The following THOC1 variants were observed in gnomAD, a reference collection of about 807,000 sequenced individuals.
THOC1 encodes THO complex subunit 1.
THOC1 carries 29 observed loss-of-function variants against 97.3 expected under a neutral mutation model. The observed-to-expected ratio is 0.30, with a 90% CI of 0.22 to 0.41. The LOEUF (loss-of-function observed/expected upper bound fraction) is 0.41. THOC1 is among the 10% of genes least tolerant of loss of function. The pLI is 1.00. For missense variants in THOC1, 529 were observed against 761.9 expected, an observed-to-expected ratio of 0.69 and a Z score of 3.60; for synonymous variants, 255 against 257.0, an observed-to-expected ratio of 0.99 and a Z score of 0.07.
At chr18:262,512 T>A (rs1336836079) in intron 4 of THOC1, among the ~76,000 whole-genome samples, 2 of 152,230 alleles carry the variant, frequency 1.3e-5, no homozygotes, top group African/African-American at 4.8e-5. Context: ...AAGTTCCAAG[T>A]ATAGACTAGA....
chr18:226,756 T>G (rs1911304236), intron 12 of THOC1, 45 bp downstream of exon 12: 1 of 1,446,826 alleles, frequency 6.9e-7, no homozygotes, highest in Non-Finnish European at 9.5e-7. Context: ...TCCTTTTTTT[T>G]CTTGGCTACT....
At chr18:234,164 C>A (rs188805786) in intron 11 of THOC1, among the ~76,000 whole-genome samples, 2 of 152,170 alleles carry the variant, frequency 1.3e-5, no homozygotes. Context: ...TTCATTAGTT[C>A]TAACAGTTTC....
intron 3 of THOC1, 22 bp from the exon 4 acceptor site, chr18:264,114 T>C (rs1912690928): frequency 1.9e-6 from 3 of 1,577,048 alleles, no homozygotes; most frequent in African/African-American, 1.3e-5. Flanking sequence ...GGAGAAACAA[T>C]TTAATTTAGG....
intron 11 of THOC1, 55 bp from the exon 12 acceptor site, chr18:226,956 T>C (rs1911312254): frequency 1.5e-6 from 2 of 1,348,996 alleles, no homozygotes; most frequent in Non-Finnish European, 2.1e-6. Flanking sequence ...ATCAAGTTTT[T>C]CCTAAAGGTA....
Position 216,577 on chromosome 18 carries a change from C to A in THOC1, c.1511G>T (p.Ser504Ile), listed in dbSNP as rs1289801390. The change falls in exon 19 of 21, where the codon AGC becomes ATC. Residue 504 changes from serine to isoleucine, a missense_variant. Ser to Ile is a moderately radical substitution (Grantham distance 142, BLOSUM62 -2). Around this residue, in one of 8 missense-constraint regions of THOC1, gnomAD observed 27 missense variants for 80.6 expected, o/e 0.33. Coordinates refer to ENST00000261600, the MANE Select transcript of THOC1 (RefSeq NM_005131.3). ...GTTGGTTGGCTGGAAGAAGTGAGGGCTTCTCCGTGCTAATAGTCTCAGGGC... is the reference window on the plus strand; with the variant it reads ...GTTGGTTGGCTGGAAGAAGTGAGGGATTCTCCGTGCTAATAGTCTCAGGGC... ...WRALRLLARR[S>I]PHFFQPTNQQ... 3 of 1,613,938 alleles carry A rather than the reference C, an allele frequency of 1.9e-6. No homozygotes were observed. The highest frequency in any genetic ancestry group is 1.7e-5 in the Admixed American group (1 of 60,018).
chr18:244,274 T>A lies in THOC1; in HGVS notation c.918+2050A>T, dbSNP rs1291413338. 3 of 152,194 alleles carry A rather than the reference T, an allele frequency of 2.0e-5. No homozygotes were observed. The East Asian group carries it at 5.8e-4, about 29-fold the overall frequency. The allele number at this position is 152,194 out of a possible 1,614,324, so 9.4% of individuals were successfully genotyped here. A position where few individuals can be genotyped will look rare whatever the true frequency, so the allele number is the denominator to read the frequency against. On this transcript the variant is annotated intron_variant, in intron 11 of 20. Transcript: ENST00000261600. ...TGTTTATAGTCAATAGTAAATTTAC[T>A]GTCATATTTTTCAATTTTTGTGCTC...
intron 12 of THOC1, chr18:226,453 G>C: frequency 5.4e-6 from 1 of 186,692 alleles, no homozygotes; most frequent in Non-Finnish European, 1.1e-5. Flanking sequence ...CACACCTTGT[G>C]AGATATGTAT....
At chr18:237,117 G>T (rs907587313) in intron 11 of THOC1, among the ~76,000 whole-genome samples, 2 of 150,514 alleles carry the variant, frequency 1.3e-5, no homozygotes, top group South Asian at 2.1e-4. Context: ...TGTGTGGCTT[G>T]AGAGATTTCT....
At chr18:249,838 T>C (rs956212902) in intron 9 of THOC1, among the ~76,000 whole-genome samples, 1 of 152,224 alleles carries the variant, frequency 6.6e-6, no homozygotes, top group African/African-American at 2.4e-5. Context: ...ACACACACAC[T>C]GAGTAACAAA....
chr18:253,540 C>CA (rs972568759), intron 8 of THOC1, among the ~76,000 whole-genome samples: 5 of 152,122 alleles, frequency 3.3e-5, no homozygotes, highest in African/African-American at 1.2e-4. Flanking sequence ...TACATATACA[C>CA]AAAAAGTCCT....
intron 10 of THOC1, among the ~76,000 whole-genome samples, chr18:247,545 G>C (rs770499212): frequency 6.6e-6 from 1 of 152,078 alleles, no homozygotes; most frequent in Non-Finnish European, 1.5e-5. Context: ...CAACAAGATA[G>C]CTAAAATAAT....
rs142940372 is a variant in THOC1 at position 216,332 on chromosome 18, A to G, written c.1602+154T>C. ...CAACTCATGTATTTCCTGTAAATGT[A>G]TATTCCAATGTGTTTTTCCCTCATT... On this transcript the variant is annotated intron_variant, in intron 19 of 20. Transcript: ENST00000261600. The G allele has an allele frequency of 1.0e-3, 800 of 778,536 alleles. 1 individual carries two copies. In the African/African-American group the frequency reaches 0.012, roughly 12 times the overall value. 48.2% of individuals were successfully genotyped at this position (778,536 alleles called of 1,614,324 possible). A position where few individuals can be genotyped will look rare whatever the true frequency, so the allele number is the denominator to read the frequency against.
intron 1 of THOC1, among the ~76,000 whole-genome samples, chr18:266,198 G>A (rs1393457500): frequency 6.6e-6 from 1 of 152,174 alleles, no homozygotes; most frequent in East Asian, 1.9e-4. Flanking sequence ...TTCATTCTAT[G>A]AACACTCACA....
intron 9 of THOC1, among the ~76,000 whole-genome samples, chr18:249,715 A>T (rs1912219043): frequency 1.3e-5 from 2 of 151,968 alleles, no homozygotes; most frequent in Admixed American, 1.3e-4. Context: ...ACGTTAAAGT[A>T]AATAGAGAAA....
intron 11 of THOC1, among the ~76,000 whole-genome samples, chr18:235,170 AGTT>A (rs1911635704): frequency 6.7e-6 from 1 of 148,222 alleles, no homozygotes; most frequent in South Asian, 2.1e-4. Flanking sequence ...ATTTATTCGT[AGTT>A]GTTCATAATA....
Position 251,862 on chromosome 18 carries a change from A to C in THOC1, c.677+677T>G, listed in dbSNP as rs533197672. On this transcript the variant is annotated intron_variant, in intron 9 of 20. Transcript: ENST00000261600. Reference sequence around the variant, plus strand: ...AATTGGAATAACTAGGCAAATAATTATCTTACTTGTTTTTATTAATCTTTC... The same window carrying C: ...AATTGGAATAACTAGGCAAATAATTCTCTTACTTGTTTTTATTAATCTTTC... Among the ~76,000 whole-genome samples, 3 of 152,324 alleles carry C rather than the reference A, an allele frequency of 2.0e-5. No individual in the cohort carries two copies. In the South Asian group the frequency reaches 6.2e-4, roughly 32 times the overall value.
Position 223,466 on chromosome 18 carries a change from A to G in THOC1, c.1344T>C (p.Asn448=). Residue 448 remains asparagine, a synonymous_variant, in exon 17 of 21, where the codon AAT becomes AAC. Transcript: ENST00000261600. ...TTGTCTCTGATTTACAGGCTTCCAT[A>G]TTATCAGGGCAAAGATTCCAAAGCC... is the stretch of plus-strand genomic sequence containing the variant. ...LTRLWNLCPD[N]MEACKSETRE... is the part of the protein sequence containing the mutation. 2 of 1,560,702 alleles carry G rather than the reference A, an allele frequency of 1.3e-6. No individual in the cohort carries two copies. Among genetic ancestry groups the G allele is most frequent in the Non-Finnish European group, 1.7e-6 (2 of 1,151,202 alleles).
chr18:223,465 T>C lies in THOC1; in HGVS notation c.1345A>G (p.Met449Val). The C allele has an allele frequency of 3.8e-6, 6 of 1,560,614 alleles. No individual in the cohort carries two copies. Among genetic ancestry groups the C allele is most frequent in the Non-Finnish European group, 5.2e-6 (6 of 1,151,104 alleles). ...TRLWNLCPDN[M>V]EACKSETREH... is the part of the protein sequence containing the mutation. ...CTTGTCTCTGATTTACAGGCTTCCA[T>C]ATTATCAGGGCAAAGATTCCAAAGC... The change falls in exon 17 of 21, where the codon ATG becomes GTG. Residue 449 changes from methionine (M) to valine (V), a missense_variant. By Grantham distance (21) the Met-to-Val change is conservative. Transcript: ENST00000261600.
At chr18:243,275 G>A (rs1441926301) in intron 11 of THOC1, among the ~76,000 whole-genome samples, 1 of 152,164 alleles carries the variant, frequency 6.6e-6, no homozygotes, top group East Asian at 1.9e-4. Context: ...CAAAGAATCA[G>A]AAAAGGAGAG....
Sources: allele counts gnomAD v4.1 joint callset (sites outside exome capture counted in the v4.1 genomes callset), GRCh38; gene constraint gnomAD v4.1.1; regional missense constraint gnomAD v4.1.1; transcripts MANE v1.5; gene names NCBI Gene and HGNC (gene_info 2026-07-23, HGNC 2026-07-21).